Variants in PRKN observed in about 807,000 individuals in gnomAD.
PRKN encodes the protein E3 ubiquitin-protein ligase parkin.
Under a neutral mutation model 59.5 loss-of-function variants are expected in PRKN, and 56 were observed. The ratio of observed to expected loss-of-function variants is 0.94; its 90% CI spans 0.76 to 1.18. The LOEUF is 1.18. PRKN is among the 50% of genes most tolerant of loss of function. The probability of loss-of-function intolerance (pLI) is 0.00; values close to 1 mark genes in which losing one functional copy is unlikely to be tolerated. For missense variants in PRKN, 657 were observed against 596.4 expected (o/e 1.10, Z -1.06); for synonymous variants, 250 against 222.1 (o/e 1.13, Z -1.12).
At chr6:162,343,747 G>A (rs1784285068) in intron 2 of PRKN, among the ~76,000 whole-genome samples, 1 of 152,074 alleles carries the variant, frequency 6.6e-6, no homozygotes, top group South Asian at 2.1e-4. Context: ...AGAAGACAGG[G>A]ATTATAGAAG....
At chr6:161,823,557 A>C (rs1313589311) in intron 6 of PRKN, among the ~76,000 whole-genome samples, 1 of 152,248 alleles carries the variant, frequency 6.6e-6, no homozygotes, top group Non-Finnish European at 1.5e-5. Context: ...AAAGAAAAAC[A>C]GAAACCTAAC....
intron 6 of PRKN, among the ~76,000 whole-genome samples, chr6:161,844,236 A>G (rs1793107658): frequency 6.6e-6 from 1 of 152,262 alleles, no homozygotes; most frequent in Non-Finnish European, 1.5e-5. Flanking sequence ...TTCCTCGCTT[A>G]TAATGGTGGC....
At chr6:161,888,254 A>T (rs1475568335) in intron 6 of PRKN, among the ~76,000 whole-genome samples, 3 of 152,148 alleles carry the variant, frequency 2.0e-5, no homozygotes, top group African/African-American at 7.2e-5. Context: ...TCCCTCCAAT[A>T]TCAGCATATG....
chr6:161,455,599 C>T (rs1292393779), intron 9 of PRKN, among the ~76,000 whole-genome samples: 2 of 152,148 alleles, frequency 1.3e-5, no homozygotes, highest in African/African-American at 2.4e-5. Flanking sequence ...GGTGCAGGGG[C>T]TCACGCCTGT....
At chr6:162,388,507 C>T (rs1786970212) in intron 2 of PRKN, among the ~76,000 whole-genome samples, 1 of 152,162 alleles carries the variant, frequency 6.6e-6, no homozygotes, top group African/African-American at 2.4e-5. Context: ...GGCAGCTTTT[C>T]TGAGCCTGAC....
At chr6:161,661,438 T>G (rs1259921392) in intron 7 of PRKN, among the ~76,000 whole-genome samples, 1 of 152,126 alleles carries the variant, frequency 6.6e-6, no homozygotes, top group Non-Finnish European at 1.5e-5. Flanking sequence ...CCCATCCCAG[T>G]TCCTTTGGAT....
At chr6:162,450,411 G>T (rs933885046) in intron 1 of PRKN, among the ~76,000 whole-genome samples, 7 of 148,232 alleles carry the variant, frequency 4.7e-5, no homozygotes, top group Non-Finnish European at 1.1e-4. Flanking sequence ...CCCTATGATT[G>T]TAACACCCCT....
At position 162,262,536 on chromosome 6, in the gene PRKN, G is replaced by A. The variant is rs760707405; in HGVS notation, c.401C>T (p.Ala134Val). ...AGCATTCCAATTACCTGGACTTCCAGCTGGTGGTGAGTCCTTCCTGCTGTC... is the reference window on the plus strand; with the variant it reads ...AGCATTCCAATTACCTGGACTTCCAACTGGTGGTGAGTCCTTCCTGCTGTC... The part of the protein sequence containing the change: ...HTDSRKDSPP[A>V]GSPAGRSIYN... Residue 134 changes from alanine to valine, a missense_variant, in exon 3 of 12, where the codon GCT becomes GTT. Transcript: ENST00000366898. 4.3e-6 allele frequency: 7 copies of A among 1,614,038 alleles called. No individual in the cohort carries two copies. Among genetic ancestry groups the A allele is most frequent in the Non-Finnish European group, 5.9e-6 (7 of 1,180,008 alleles).
At chr6:162,382,112 T>A (rs1276759587) in intron 2 of PRKN, among the ~76,000 whole-genome samples, 2 of 152,158 alleles carry the variant, frequency 1.3e-5, no homozygotes, top group Non-Finnish European at 2.9e-5. Context: ...TTTTATCCTA[T>A]AATCGGTAGT....
intron 2 of PRKN, among the ~76,000 whole-genome samples, chr6:162,266,204 T>A (rs1300634564): frequency 6.6e-6 from 1 of 152,104 alleles, no homozygotes; most frequent in Non-Finnish European, 1.5e-5. Context: ...TAGAGAAAAG[T>A]AACACCTTTC....
chr6:162,456,435 T>G (rs1424122498), intron 1 of PRKN, among the ~76,000 whole-genome samples: 3 of 152,294 alleles, frequency 2.0e-5, no homozygotes, highest in Non-Finnish European at 2.9e-5. Context: ...TGACACATCA[T>G]GATTCACTAG....
intron 7 of PRKN, among the ~76,000 whole-genome samples, chr6:161,758,809 G>C (rs1158090241): frequency 2.6e-5 from 4 of 152,194 alleles, no homozygotes; most frequent in Admixed American, 2.6e-4. Flanking sequence ...TTCAGTCTCA[G>C]GTCTGTCTGA....
At position 161,499,545 on chromosome 6, in the gene PRKN, C is replaced by G. The variant is rs538376380; in HGVS notation, c.1083+49309G>C. Among the ~76,000 whole-genome samples, 1 of 152,118 alleles carries G rather than the reference C, an allele frequency of 6.6e-6. No homozygotes were observed. Among genetic ancestry groups the G allele is most frequent in the Non-Finnish European group, 1.5e-5 (1 of 68,020 alleles). On this transcript the variant is annotated intron_variant, in intron 9 of 11. Coordinates refer to ENST00000366898, the MANE Select transcript of PRKN (RefSeq NM_004562.3). This position sits in a 1 kb window ranked among gnomAD's most constrained non-coding sequence, Gnocchi z 4.2. ...CCTCTCTTCTAGCCTCTTGCATCTA[C>G]CTCTATGGTTTGACTTCTGAAAATG...
At chr6:161,806,484 G>A (rs1028135900) in intron 6 of PRKN, among the ~76,000 whole-genome samples, 6 of 152,114 alleles carry the variant, frequency 3.9e-5, no homozygotes, top group African/African-American at 1.2e-4. Context: ...AGCCAGACTT[G>A]CCCAGTCTCT....
intron 1 of PRKN, among the ~76,000 whole-genome samples, chr6:162,604,309 G>C (rs1781821723): frequency 6.6e-6 from 1 of 152,176 alleles, no homozygotes; most frequent in Non-Finnish European, 1.5e-5. Flanking sequence ...TGAGGCACCT[G>C]TGGTAATCCT....
At chr6:161,634,452 GA>G (rs1264214258) in intron 7 of PRKN, among the ~76,000 whole-genome samples, 2 of 152,214 alleles carry the variant, frequency 1.3e-5, no homozygotes, top group Non-Finnish European at 2.9e-5. Context: ...TTACAGACAA[GA>G]AAGTGTGTTC....
rs1489345308 is a variant in PRKN at position 161,593,816 on chromosome 6, A to G, written c.872-24400T>C. On this transcript the variant is annotated intron_variant, in intron 7 of 11. Transcript: ENST00000366898. The surrounding 1 kb of genome is among the most constrained non-coding windows in gnomAD (Gnocchi z 4.8). ...TTTGGAGAGTAGAGAGTGACACACC[A>G]AGTCATGATGCTCAGGGGTCAAATA... 1.4e-4 allele frequency among the ~76,000 whole-genome samples: 22 copies of G among 152,116 alleles called. No homozygotes were observed. Among genetic ancestry groups the G allele is most frequent in the Admixed American group, 1.4e-3 (22 of 15,262 alleles).
intron 5 of PRKN, among the ~76,000 whole-genome samples, chr6:162,008,485 C>T (rs139424015): frequency 6.6e-6 from 1 of 152,094 alleles, no homozygotes; most frequent in Non-Finnish European, 1.5e-5. Flanking sequence ...AACAGTGTAT[C>T]GAAATGCATC....
chr6:162,535,933 T>C (rs1420795537), intron 1 of PRKN, among the ~76,000 whole-genome samples: 37 of 150,966 alleles, frequency 2.5e-4, no homozygotes, highest in Admixed American at 2.4e-3. Context: ...GAATTTGGTC[T>C]GAGCCTGGTC....
Sources: allele counts gnomAD v4.1 joint callset (sites outside exome capture counted in the v4.1 genomes callset), GRCh38; gene constraint gnomAD v4.1.1; non-coding constraint Gnocchi (gnomAD v3.1); transcripts MANE v1.5; gene names NCBI Gene and HGNC (gene_info 2026-07-23, HGNC 2026-07-21).